The following VPS37A variants were observed in gnomAD, a reference collection of about 807,000 sequenced individuals.
The protein encoded by VPS37A is VPS37A subunit of ESCRT-I.
VPS37A carries 30 observed loss-of-function variants against 49.8 expected under a neutral mutation model. That is an observed-to-expected ratio of 0.60 (90% CI 0.45 to 0.82). The LOEUF is 0.82. Among genes scored for constraint, VPS37A ranks in the 40% least tolerant of loss-of-function variants. The probability of loss-of-function intolerance (pLI) is 0.00; values close to 1 mark genes in which losing one functional copy is unlikely to be tolerated. For synonymous variants in VPS37A, 195 were observed against 160.6 expected, an observed-to-expected ratio of 1.21 and a Z score of -1.62; for missense variants, 593 against 464.4, an observed-to-expected ratio of 1.28 and a Z score of -2.55.
chr8:17,280,966 T>C (rs972923452), intron 9 of VPS37A, among the ~76,000 whole-genome samples: 2 of 151,968 alleles, frequency 1.3e-5, no homozygotes, highest in African/African-American at 4.8e-5. Flanking sequence ...ATAATCTTTG[T>C]ATCATACCAA....
intron 1 of VPS37A, among the ~76,000 whole-genome samples, chr8:17,250,311 T>A (rs111595721): frequency 1.5e-3 from 225 of 152,296 alleles, no homozygotes; most frequent in African/African-American, 5.1e-3. Flanking sequence ...ATACTGGCAA[T>A]ATGTTGCCTG....
At chr8:17,288,766 T>C (rs772214733) in intron 11 of VPS37A, among the ~76,000 whole-genome samples, 2 of 152,242 alleles carry the variant, frequency 1.3e-5, no homozygotes, top group Non-Finnish European at 2.9e-5. Context: ...ATGGTATTTC[T>C]AGTTCTAGAT....
chr8:17,277,065 T>C (rs1053348569), intron 6 of VPS37A, among the ~76,000 whole-genome samples: 10 of 152,244 alleles, frequency 6.6e-5, no homozygotes, highest in Middle Eastern at 6.8e-3. Flanking sequence ...AAGGCTCTTA[T>C]TACTAATAAG....
chr8:17,247,062 C>A lies in VPS37A; in HGVS notation c.-183C>A. The stretch of plus-strand genomic sequence containing the variant: ...TTTCCCTCTCCAGCCGCCCGCCGTT[C>A]GTAGCATGTCCCCCAGAACTCGGGG... On this transcript the variant is annotated 5_prime_UTR_variant, in exon 1 of 12. Transcript: ENST00000324849. The A allele has an allele frequency of 1.3e-6, 1 of 750,926 alleles. No individual in the cohort carries two copies. The highest frequency in any genetic ancestry group is 2.1e-6 in the Non-Finnish European group (1 of 474,308). 46.5% of individuals were successfully genotyped at this position (750,926 alleles called of 1,614,324 possible). A position where few individuals can be genotyped will look rare whatever the true frequency, so the allele number is the denominator to read the frequency against.
intron 9 of VPS37A, among the ~76,000 whole-genome samples, chr8:17,282,048 G>C (rs1234873408): frequency 6.6e-6 from 1 of 151,856 alleles, no homozygotes; most frequent in Non-Finnish European, 1.5e-5. Context: ...TTATTCTAAA[G>C]TTCATCTGAA....
intron 5 of VPS37A, among the ~76,000 whole-genome samples, 179 bp from the exon 6 acceptor site, chr8:17,276,218 C>T (rs3750251): frequency 1.3e-5 from 2 of 151,844 alleles, no homozygotes; most frequent in African/African-American, 4.8e-5. Context: ...GTATACGACG[C>T]TGAAAAGAAG....
Position 17,276,483 on chromosome 8 carries a change from A to C in VPS37A, c.713+16A>C. ...CAGAACTAAGGTAAACCTGGAAAGT[A>C]AAGTTGGTCACATTGTCTATTTTAT... On this transcript the variant is annotated intron_variant, in intron 6 of 11. Coordinates refer to ENST00000324849, the MANE Select transcript of VPS37A (RefSeq NM_152415.3). 6.2e-7 allele frequency: 1 copy of C among 1,602,988 alleles called. No homozygotes were observed. The highest frequency in any genetic ancestry group is 8.5e-7 in the Non-Finnish European group (1 of 1,174,814).
chr8:17,300,439 T>C (rs956414309), downstream of VPS37A, among the ~76,000 whole-genome samples: 2 of 152,206 alleles, frequency 1.3e-5, no homozygotes, highest in Admixed American at 6.5e-5. Context: ...TGCCTTGACA[T>C]AGGTTTTCTA....
chr8:17,310,918 A>G, the VPS37A span, among the ~76,000 whole-genome samples: 1 of 152,142 alleles, frequency 6.6e-6, no homozygotes, highest in African/African-American at 2.4e-5. Flanking sequence ...ACTATATACA[A>G]TACTCTGTAG....
intron 1 of VPS37A, among the ~76,000 whole-genome samples, chr8:17,255,564 T>A (rs760831437): frequency 6.6e-6 from 1 of 152,222 alleles, no homozygotes; most frequent in Non-Finnish European, 1.5e-5. Context: ...TTGTTTATTC[T>A]GTAAAAGGAA....
rs184182410 is a variant in VPS37A at position 17,258,729 on chromosome 8, G to A, written c.126-7178G>A. Among the ~76,000 whole-genome samples the A allele has an allele frequency of 6.8e-4, 103 of 152,180 alleles. 1 individual carries two copies. Among genetic ancestry groups the A allele is most frequent in the Admixed American group, 3.7e-3 (57 of 15,284 alleles). Reference sequence around the variant, plus strand: ...TAAGTGTTTGGTAGAATTCACCAGCGAAGCTATCAGGTCCTCAGCTTTTCT... The same window carrying A: ...TAAGTGTTTGGTAGAATTCACCAGCAAAGCTATCAGGTCCTCAGCTTTTCT... On this transcript the variant is annotated intron_variant, in intron 1 of 11. Transcript: ENST00000324849.
At chr8:17,305,841 A>G, downstream of VPS37A, 1 of 1,613,724 alleles carries the variant, frequency 6.2e-7, no homozygotes, top group Non-Finnish European at 8.5e-7. Context: ...GTGAATCAAA[A>G]ACCTCTCATT....
At chr8:17,256,250 C>G (rs1162989299) in intron 1 of VPS37A, among the ~76,000 whole-genome samples, 1 of 144,254 alleles carries the variant, frequency 6.9e-6, no homozygotes, top group Non-Finnish European at 1.5e-5. Flanking sequence ...TCGTTATTGC[C>G]TGGCTTTTTG....
the VPS37A span, chr8:17,309,186 A>G: frequency 1.1e-6 from 1 of 886,328 alleles, no homozygotes; most frequent in Admixed American, 2.4e-5. Flanking sequence ...AACTCAAAAA[A>G]CAAGACGATT....
chr8:17,248,459 A>T, intron 1 of VPS37A: 1 of 445,378 alleles, frequency 2.2e-6, no homozygotes. Context: ...TATTTTTAGT[A>T]GAGACGGGGT....
At chr8:17,260,596 C>T (rs888137470) in intron 1 of VPS37A, among the ~76,000 whole-genome samples, 1 of 151,932 alleles carries the variant, frequency 6.6e-6, no homozygotes, top group African/African-American at 2.4e-5. Context: ...AATTTTTTTT[C>T]TTTCAGACTG....
the VPS37A span, among the ~76,000 whole-genome samples, chr8:17,322,927 C>T: frequency 6.6e-6 from 1 of 150,560 alleles, no homozygotes; most frequent in Non-Finnish European, 1.5e-5. Context: ...TCACAACCTC[C>T]CATCTAGAGT....
chr8:17,305,757 T>C, downstream of VPS37A: 1 of 1,605,942 alleles, frequency 6.2e-7, no homozygotes, highest in Non-Finnish European at 8.5e-7. Flanking sequence ...AAACACTTAC[T>C]TGAGTTCTCG....
chr8:17,300,729 C>G (rs1414322055), downstream of VPS37A, among the ~76,000 whole-genome samples: 3 of 152,182 alleles, frequency 2.0e-5, no homozygotes, highest in East Asian at 5.8e-4. Flanking sequence ...CATCACCTCC[C>G]CTGCCGAAAG....
Sources: allele counts gnomAD v4.1 joint callset (sites outside exome capture counted in the v4.1 genomes callset), GRCh38; gene constraint gnomAD v4.1.1; transcripts MANE v1.5; gene names NCBI Gene and HGNC (gene_info 2026-07-23, HGNC 2026-07-21).